Variants in DCC observed in about 807,000 individuals in gnomAD.
DCC encodes netrin receptor DCC.
A neutral mutation model predicts 172.5 loss-of-function variants in DCC; 58 were observed. The ratio of observed to expected loss-of-function variants is 0.34; its 90% CI spans 0.27 to 0.42. The LOEUF (loss-of-function observed/expected upper bound fraction) is 0.42. Among genes scored for constraint, DCC ranks in the 10% least tolerant of loss-of-function variants. The pLI is 1.00. For missense variants in DCC, 1,740 were observed against 1,791.0 expected (o/e 0.97, Z 0.51); for synonymous variants, 709 against 644.5 (o/e 1.10, Z -1.52).
chr18:52,551,680 C>G (rs1490726398), intron 1 of DCC, among the ~76,000 whole-genome samples: 1 of 151,080 alleles, frequency 6.6e-6, no homozygotes, highest in African/African-American at 2.4e-5. Flanking sequence ...TACAGAATAA[C>G]TTATGAAAGG....
intron 27 of DCC, among the ~76,000 whole-genome samples, chr18:53,524,897 A>T (rs550830586): frequency 6.6e-6 from 1 of 151,988 alleles, no homozygotes; most frequent in South Asian, 2.1e-4. Flanking sequence ...TTATTTTGGC[A>T]CCCCCATGTG....
At chr18:52,644,602 G>A (rs890341604) in intron 1 of DCC, among the ~76,000 whole-genome samples, 1 of 149,732 alleles carries the variant, frequency 6.7e-6, no homozygotes, top group African/African-American at 2.5e-5. Context: ...AAAAATTAGT[G>A]TGTAGAGTCA....
intron 2 of DCC, among the ~76,000 whole-genome samples, chr18:52,850,137 A>G (rs1243650880): frequency 1.3e-5 from 2 of 152,128 alleles, no homozygotes; most frequent in Non-Finnish European, 1.5e-5. Context: ...CTGCATTTCT[A>G]CTTATACCCT....
intron 1 of DCC, among the ~76,000 whole-genome samples, chr18:52,475,449 C>T (rs1022652573): frequency 1.4e-4 from 21 of 152,018 alleles, no homozygotes; most frequent in African/African-American, 4.8e-4. Flanking sequence ...TATTGCTTGG[C>T]CCGTAATTAC....
intron 1 of DCC, among the ~76,000 whole-genome samples, chr18:52,639,927 A>T (rs149721636): frequency 4.5e-4 from 68 of 152,212 alleles, no homozygotes; most frequent in African/African-American, 1.5e-3. Flanking sequence ...AAAACTACAG[A>T]CTGATATCCT....
intron 1 of DCC, among the ~76,000 whole-genome samples, chr18:52,633,512 C>A (rs1396492419): frequency 6.6e-6 from 1 of 152,092 alleles, no homozygotes; most frequent in Non-Finnish European, 1.5e-5. Flanking sequence ...TTTAATTCTG[C>A]CCATCTATAC....
At chr18:52,418,207 G>T (rs777408403) in intron 1 of DCC, among the ~76,000 whole-genome samples, 36 of 152,146 alleles carry the variant, frequency 2.4e-4, no homozygotes, top group Non-Finnish European at 2.1e-4. Flanking sequence ...TAAGGAAAAA[G>T]AGAAATCTTA....
intron 1 of DCC, among the ~76,000 whole-genome samples, chr18:52,669,329 C>A (rs2035510509): frequency 6.6e-6 from 1 of 152,198 alleles, no homozygotes; most frequent in African/African-American, 2.4e-5. Context: ...AGCTGCAGGA[C>A]TCCTAAACCA....
chr18:52,652,737 T>G (rs1019760851), intron 1 of DCC, among the ~76,000 whole-genome samples: 5 of 151,712 alleles, frequency 3.3e-5, no homozygotes, highest in Admixed American at 6.6e-5. Flanking sequence ...TGTGTGTGTG[T>G]GTGGGTGGAG....
intron 2 of DCC, among the ~76,000 whole-genome samples, chr18:52,871,824 A>G (rs1465484849): frequency 2.0e-5 from 3 of 152,192 alleles, no homozygotes; most frequent in African/African-American, 7.2e-5. Context: ...AAGGTACACG[A>G]GTTGCTACAT....
chr18:53,283,655 C>G (rs771257722), intron 12 of DCC, among the ~76,000 whole-genome samples: 1 of 152,030 alleles, frequency 6.6e-6, no homozygotes, highest in Non-Finnish European at 1.5e-5. Context: ...CTAACTTCTA[C>G]GATTCTATAA....
At chr18:53,138,098 G>C (rs941557769) in intron 7 of DCC, among the ~76,000 whole-genome samples, 3 of 152,078 alleles carry the variant, frequency 2.0e-5, no homozygotes, top group African/African-American at 7.2e-5. Flanking sequence ...AAAGTGCTGA[G>C]ATTACAAGCA....
chr18:52,492,487 G>C (rs1055323133), intron 1 of DCC, among the ~76,000 whole-genome samples: 2 of 151,902 alleles, frequency 1.3e-5, no homozygotes, highest in Non-Finnish European at 2.9e-5. Flanking sequence ...TTTCTTCATT[G>C]AGACAGGAGA....
intron 13 of DCC, among the ~76,000 whole-genome samples, chr18:53,315,227 T>C (rs1204511679): frequency 6.6e-6 from 1 of 152,150 alleles, no homozygotes; most frequent in Admixed American, 6.5e-5. Context: ...GGTTTTCTCT[T>C]CTTGTGTTAG....
chr18:52,765,625 T>TC (rs58542627), intron 2 of DCC, among the ~76,000 whole-genome samples: 16,483 of 152,082 alleles, frequency 0.11, 2,974 homozygotes, highest in African/African-American at 0.38. Context: ...TTACACTGTA[T>TC]CTTTACAAGG....
At chr18:52,379,944 A>C (rs571101436) in intron 1 of DCC, among the ~76,000 whole-genome samples, 1 of 152,120 alleles carries the variant, frequency 6.6e-6, no homozygotes, top group South Asian at 2.1e-4. Flanking sequence ...TTGATTTCTC[A>C]TAGTTCTGGA....
At chr18:53,175,896 C>A (rs1188094195) in intron 8 of DCC, among the ~76,000 whole-genome samples, 2 of 152,180 alleles carry the variant, frequency 1.3e-5, no homozygotes, top group Non-Finnish European at 2.9e-5. Context: ...AAGAACAAAG[C>A]TGGAGGTATC....
intron 13 of DCC, among the ~76,000 whole-genome samples, chr18:53,320,565 C>T (rs528676249): frequency 9.3e-4 from 142 of 152,186 alleles, no homozygotes; most frequent in Admixed American, 2.1e-3. Context: ...AAAAGATGAA[C>T]AAAATTAGAT....
At chr18:52,454,659 T>C (rs1244298584) in intron 1 of DCC, among the ~76,000 whole-genome samples, 1 of 152,212 alleles carries the variant, frequency 6.6e-6, no homozygotes, top group Non-Finnish European at 1.5e-5. Context: ...TTTACTTGAA[T>C]TTATTGATAA....
Sources: allele counts gnomAD v4.1 joint callset (sites outside exome capture counted in the v4.1 genomes callset), GRCh38; gene constraint gnomAD v4.1.1; transcripts MANE v1.5; gene names NCBI Gene and HGNC (gene_info 2026-07-23, HGNC 2026-07-21).